FNBP1L: variants seen among roughly 807,000 people sequenced by gnomAD.
The protein encoded by FNBP1L is formin-binding protein 1-like.
FNBP1L carries 36 observed loss-of-function variants against 91.2 expected under a neutral mutation model. The observed-to-expected ratio is 0.39, with a 90% CI of 0.30 to 0.52. The LOEUF is 0.52. Among genes scored for constraint, FNBP1L ranks in the 20% least tolerant of loss-of-function variants. The probability of loss-of-function intolerance (pLI) is 0.66; values close to 1 mark genes in which losing one functional copy is unlikely to be tolerated. For missense variants in FNBP1L, 571 were observed against 732.1 expected, an observed-to-expected ratio of 0.78 and a Z score of 2.54; for synonymous variants, 242 against 237.0, an observed-to-expected ratio of 1.02 and a Z score of -0.19.
At chr1:93,510,885 C>T (rs901494145) in intron 2 of FNBP1L, among the ~76,000 whole-genome samples, 9 of 151,890 alleles carry the variant, frequency 5.9e-5, no homozygotes, top group Admixed American at 1.3e-4. Flanking sequence ...TGAAACGAAG[C>T]GAGAAGGGAA....
At chr1:93,504,913 A>G (rs368615581) in intron 2 of FNBP1L, among the ~76,000 whole-genome samples, 7 of 151,984 alleles carry the variant, frequency 4.6e-5, no homozygotes, top group Admixed American at 6.6e-5. Flanking sequence ...GTGTCCTTCT[A>G]TGCATTGAAG....
chr1:93,541,047 G>A lies in FNBP1L; in HGVS notation c.1155G>A (p.Ser385=). The A allele has an allele frequency of 9.8e-6, 15 of 1,536,160 alleles. No homozygotes were observed. Among genetic ancestry groups the A allele is most frequent in the Non-Finnish European group, 1.2e-5 (14 of 1,146,282 alleles). ...PSFRSLKRGW[S]VKMGPALEDF... is the part of the protein sequence containing the mutation. Reference sequence around the variant, plus strand: ...TTTTCCATTGAACTATTCAGTGGTCGGTGAAGATGGTAAGCCTTATGTGCT... The same window carrying A: ...TTTTCCATTGAACTATTCAGTGGTCAGTGAAGATGGTAAGCCTTATGTGCT... The change falls in exon 11 of 17, where the codon TCG becomes TCA. Residue 385 remains serine, a synonymous_variant. Transcript: ENST00000271234.
intron 16 of FNBP1L, 82 bp from the exon 17 acceptor site, chr1:93,552,327 A>G (rs1258354761): frequency 2.0e-6 from 3 of 1,526,580 alleles, no homozygotes; most frequent in East Asian, 2.4e-5. Flanking sequence ...CATTTGGGAC[A>G]GGCACTTTAA....
intron 1 of FNBP1L, among the ~76,000 whole-genome samples, chr1:93,496,635 C>T (rs188776740): frequency 2.0e-5 from 3 of 152,222 alleles, no homozygotes; most frequent in Non-Finnish European, 4.4e-5. Context: ...AACTCCTGAG[C>T]TCAAGAGATT....
At chr1:93,497,140 T>C (rs563266438) in intron 1 of FNBP1L, among the ~76,000 whole-genome samples, 1 of 152,168 alleles carries the variant, frequency 6.6e-6, no homozygotes, top group African/African-American at 2.4e-5. Context: ...TTTTTTGTAT[T>C]TTTAGTACAG....
rs998411927 is a variant in FNBP1L, at chr1:93,532,772, T to C, written c.640-150T>C. 2.8e-5 allele frequency: 13 copies of C among 468,648 alleles called. No homozygotes were observed. The South Asian group carries it at 6.8e-4, about 25-fold the overall frequency. 29.0% of individuals were successfully genotyped at this position (468,648 alleles called of 1,614,324 possible). ...AGCATGTCCCAGGTTTTAAGTATTATAAGTCAATAGCACTTGTTAAAAGGT... is the reference window on the plus strand; with the variant it reads ...AGCATGTCCCAGGTTTTAAGTATTACAAGTCAATAGCACTTGTTAAAAGGT... On this transcript the variant is annotated intron_variant, in intron 7 of 16. Coordinates refer to ENST00000271234, the MANE Select transcript of FNBP1L (RefSeq NM_001164473.3).
chr1:93,510,990 G>T (rs1036606340), intron 2 of FNBP1L, among the ~76,000 whole-genome samples: 1 of 152,074 alleles, frequency 6.6e-6, no homozygotes, highest in South Asian at 2.1e-4. Flanking sequence ...TGGTGTACCT[G>T]AAAGTGACGG....
rs1672262910 is a variant in FNBP1L, at chr1:93,546,945, C to T, written c.1378C>T (p.Arg460Cys). ...AGCAGAGACCATGAATAACATTGAC[C>T]GCCTACGAATGGAAATCCATAAGAA... Reference protein sequence around the residue: ...KLAETMNNIDRLRMEIHKNEA... With the variant: ...KLAETMNNIDCLRMEIHKNEA... Residue 460 changes from arginine (R) to cysteine (C), a missense_variant, in exon 13 of 17, where the codon CGC becomes TGC. Coordinates refer to ENST00000271234, the MANE Select transcript of FNBP1L (RefSeq NM_001164473.3). The T allele has an allele frequency of 1.7e-5, 27 of 1,611,942 alleles. No individual in the cohort carries two copies. The highest frequency in any genetic ancestry group is 2.2e-5 in the Non-Finnish European group (26 of 1,179,178).
chr1:93,466,746 T>C (rs1001635245), intron 1 of FNBP1L, among the ~76,000 whole-genome samples: 17 of 152,320 alleles, frequency 1.1e-4, no homozygotes, highest in African/African-American at 4.1e-4. Context: ...AAGAAAGTCA[T>C]TGGTAGCTTG....
At chr1:93,533,159 A>G in intron 8 of FNBP1L, 91 bp downstream of exon 8, 1 of 1,099,778 alleles carries the variant, frequency 9.1e-7, no homozygotes, top group Non-Finnish European at 1.3e-6. Flanking sequence ...GGATAAAGTA[A>G]TCTGATGTGT....
intron 2 of FNBP1L, among the ~76,000 whole-genome samples, chr1:93,518,344 C>T (rs1302123682): frequency 6.6e-6 from 1 of 152,112 alleles, no homozygotes; most frequent in Admixed American, 6.5e-5. Flanking sequence ...CGGTAGCTTC[C>T]AGCAGCCTGT....
At chr1:93,540,897 G>T in intron 10 of FNBP1L, 145 bp from the exon 11 acceptor site, 37 of 460,950 alleles carry the variant, frequency 8.0e-5, no homozygotes, top group East Asian at 1.7e-4. Context: ...TGCTTAAAAT[G>T]GTTTTTCTGG....
chr1:93,499,561 C>T lies in FNBP1L; in HGVS notation c.118C>T (p.Gln40Ter). The T allele has an allele frequency of 1.3e-6, 2 of 1,585,350 alleles. No homozygotes were observed. Among genetic ancestry groups the T allele is most frequent in the Non-Finnish European group, 8.6e-7 (1 of 1,168,496 alleles). ...TGTTAAAGAGAGGATAGAAATTGAA[C>T]AGAACTATGCGAAACAATTGAGGTA... is the stretch of plus-strand genomic sequence containing the variant. The part of the protein sequence containing the change: ...KFVKERIEIE[Q>*]NYAKQLRNLV... The change falls in exon 2 of 17, where the codon CAG becomes TAG. Residue 40 changes from glutamine (Q) to a stop codon, truncating the protein, a stop_gained. Transcript: ENST00000271234. LOFTEE classifies it high-confidence loss of function.
At chr1:93,550,514 G>C (rs1361695536) in intron 15 of FNBP1L, among the ~76,000 whole-genome samples, 3 of 152,090 alleles carry the variant, frequency 2.0e-5, no homozygotes, top group African/African-American at 7.2e-5. Context: ...ATTTTTCTCT[G>C]TTCTCCCTTC....
chr1:93,525,184 G>C lies in FNBP1L; in HGVS notation c.405+861G>C. ...AGCATATTTCTCTGGTGGACACTGC[G>C]TATTCCTTGAAAATTATGCCGAAGG... On this transcript the variant is annotated intron_variant, in intron 5 of 16. Transcript: ENST00000271234. Among the ~76,000 whole-genome samples the C allele has an allele frequency of 1.3e-5, 2 of 152,050 alleles. 1 individual carries two copies. Among genetic ancestry groups the C allele is most frequent in the Middle Eastern group, 6.8e-3 (2 of 294 alleles).
chr1:93,469,233 CT>C (rs988022788), intron 1 of FNBP1L, among the ~76,000 whole-genome samples: 1 of 150,320 alleles, frequency 6.7e-6, no homozygotes, highest in African/African-American at 2.4e-5. Context: ...TATTCCTCCC[CT>C]AACCCCCCAC....
At chr1:93,515,223 T>C (rs562553274) in intron 2 of FNBP1L, among the ~76,000 whole-genome samples, 65 of 152,198 alleles carry the variant, frequency 4.3e-4, no homozygotes, top group Non-Finnish European at 7.5e-4. Flanking sequence ...ACATACCATC[T>C]CACACCAGTT....
intron 1 of FNBP1L, among the ~76,000 whole-genome samples, chr1:93,470,987 T>A (rs1669267215): frequency 6.6e-6 from 1 of 152,200 alleles, no homozygotes. Flanking sequence ...ATATTTTGGC[T>A]GTTCTTTGGT....
chr1:93,512,168 A>G (rs1405710543), intron 2 of FNBP1L, among the ~76,000 whole-genome samples: 1 of 152,120 alleles, frequency 6.6e-6, no homozygotes, highest in Non-Finnish European at 1.5e-5. Flanking sequence ...ATCAAAAGAG[A>G]CAAAGAAGGC....
Sources: gnomAD v4.1 joint callset for allele counts (sites outside exome capture counted in the v4.1 genomes callset) on GRCh38, gnomAD v4.1.1 for gene constraint, MANE v1.5 for transcripts, NCBI Gene and HGNC (gene_info 2026-07-23, HGNC 2026-07-21) for gene names.